The following WDR70 variants were observed in gnomAD, a reference collection of about 807,000 sequenced individuals.
WDR70 encodes WD repeat-containing protein 70.
A neutral mutation model predicts 88.6 loss-of-function variants in WDR70; 53 were observed. That is an observed-to-expected ratio of 0.60 (90% confidence interval 0.48 to 0.75). WDR70 has a LOEUF of 0.75. WDR70 is among the 30% of genes least tolerant of loss of function. The pLI is 0.00. For synonymous variants in WDR70, 280 were observed against 270.0 expected (o/e 1.04, Z -0.36); for missense variants, 610 against 823.2 (o/e 0.74, Z 3.17).
chr5:37,518,664 G>A (rs1335645478), intron 9 of WDR70, among the ~76,000 whole-genome samples: 1 of 150,076 alleles, frequency 6.7e-6, no homozygotes, highest in Non-Finnish European at 1.5e-5. Context: ...TGCAACCAAC[G>A]TGGGAGCACA....
intron 17 of WDR70, among the ~76,000 whole-genome samples, chr5:37,732,758 T>C (rs1561096500): frequency 6.6e-6 from 1 of 152,140 alleles, no homozygotes; most frequent in African/African-American, 2.4e-5. Flanking sequence ...TTGTATATCA[T>C]GTATGGCAAA....
intron 5 of WDR70, among the ~76,000 whole-genome samples, chr5:37,412,738 T>A (rs1429169139): frequency 6.6e-6 from 1 of 152,196 alleles, no homozygotes. Flanking sequence ...AGGCATCTCA[T>A]CCCCTTGGCC....
At chr5:37,701,885 C>T (rs1747175057) in intron 12 of WDR70, among the ~76,000 whole-genome samples, 1 of 151,712 alleles carries the variant, frequency 6.6e-6, no homozygotes, top group Admixed American at 6.6e-5. Context: ...TTTTTTAAAT[C>T]ATTCAAATCA....
chr5:37,502,730 G>T (rs1026415614), intron 8 of WDR70, among the ~76,000 whole-genome samples: 5 of 152,184 alleles, frequency 3.3e-5, no homozygotes, highest in Non-Finnish European at 5.9e-5. Flanking sequence ...ATCTGCTTTT[G>T]GGGAGGCCTG....
In WDR70 at chr5:37,426,795, C is replaced by CTTT. The variant is rs3038670; in HGVS notation, c.493-11115_493-11113dup. Among the ~76,000 whole-genome samples, 621 of 144,134 alleles carry CTTT rather than the reference C, an allele frequency of 4.3e-3. 2 individuals are homozygous for CTTT. The highest frequency in any genetic ancestry group is 6.5e-3 in the Non-Finnish European group (425 of 65,616). The allele number at this position is 144,134 out of a possible 152,430, so 94.6% of individuals were successfully genotyped here. A position where few individuals can be genotyped will look rare whatever the true frequency, so the allele number is the denominator to read the frequency against. ...GTTGCCTTAAAGCCTAATCTAGGTTCTTTTTTTTTTTTTTGAGATGGGGTC... is the reference window on the plus strand; with the variant it reads ...GTTGCCTTAAAGCCTAATCTAGGTTCTTTTTTTTTTTTTTTTTGAGATGGGGTC... On this transcript the variant is annotated intron_variant, in intron 5 of 17. Coordinates refer to ENST00000265107, the MANE Select transcript of WDR70 (RefSeq NM_018034.4).
intron 8 of WDR70, among the ~76,000 whole-genome samples, chr5:37,486,085 T>C (rs1218218000): frequency 6.6e-6 from 1 of 151,910 alleles, no homozygotes; most frequent in African/African-American, 2.4e-5. Flanking sequence ...ATGTGACCAG[T>C]AGCTTGCTGA....
intron 8 of WDR70, among the ~76,000 whole-genome samples, chr5:37,503,314 C>T (rs1740458668): frequency 6.6e-6 from 1 of 151,698 alleles, no homozygotes; most frequent in South Asian, 2.1e-4. Context: ...AGGTTTGTTA[C>T]ATAGGTAAAC....
intron 7 of WDR70, among the ~76,000 whole-genome samples, chr5:37,445,034 C>T (rs1738413600): frequency 6.6e-6 from 1 of 152,198 alleles, no homozygotes; most frequent in South Asian, 2.1e-4. Context: ...AGGCCATAGA[C>T]TGATACCAGT....
chr5:37,693,672 G>T (rs1160172787), intron 10 of WDR70, among the ~76,000 whole-genome samples: 3 of 152,254 alleles, frequency 2.0e-5, no homozygotes, highest in Non-Finnish European at 4.4e-5. Context: ...GCTGAAACTG[G>T]ATCCCTTCCT....
chr5:37,415,471 A>C (rs1450668085), intron 5 of WDR70, among the ~76,000 whole-genome samples: 12 of 53,266 alleles, frequency 2.3e-4, no homozygotes, highest in African/African-American at 6.5e-4. Flanking sequence ...TGATCCCCCC[A>C]CCTCCCTCCC....
chr5:37,419,790 CACA>C (rs1394233216), intron 5 of WDR70, among the ~76,000 whole-genome samples: 1 of 152,062 alleles, frequency 6.6e-6, no homozygotes, highest in Non-Finnish European at 1.5e-5. Flanking sequence ...GTCTGGGCGA[CACA>C]ACGAGACTCT....
intron 5 of WDR70, among the ~76,000 whole-genome samples, chr5:37,401,809 C>T (rs1044827199): frequency 2.6e-5 from 4 of 152,046 alleles, no homozygotes; most frequent in Non-Finnish European, 4.4e-5. Flanking sequence ...TTTTAATTGA[C>T]ATAATTGTAC....
At chr5:37,537,430 C>T (rs1741696811) in intron 9 of WDR70, among the ~76,000 whole-genome samples, 1 of 152,228 alleles carries the variant, frequency 6.6e-6, no homozygotes, top group Middle Eastern at 3.4e-3. Context: ...AAGTCTTTCT[C>T]AGTCCAAGAG....
At chr5:37,554,678 G>GCACACACACACACACA (rs3068425) in intron 9 of WDR70, among the ~76,000 whole-genome samples, 2 of 147,670 alleles carry the variant, frequency 1.4e-5, no homozygotes, top group African/African-American at 5.0e-5. Context: ...GCACCTGCAC[G>GCACACACACACACACA]CACACACACA....
intron 7 of WDR70, among the ~76,000 whole-genome samples, chr5:37,466,623 G>A (rs551530630): frequency 4.3e-5 from 6 of 140,330 alleles, no homozygotes; most frequent in South Asian, 4.7e-4. Context: ...GGAGAATGGC[G>A]TGAACCTGGG....
rs559785903 is a variant in WDR70, at chr5:37,653,607, C to T, written c.1093-44048C>T. On this transcript the variant is annotated intron_variant, in intron 10 of 17. Transcript: ENST00000265107. ...GTTAGTAGGCTATTAATTACTACCTCGATTTCAGAACTTGTTATTGGTCTA... is the reference window on the plus strand; with the variant it reads ...GTTAGTAGGCTATTAATTACTACCTTGATTTCAGAACTTGTTATTGGTCTA... Among the ~76,000 whole-genome samples the T allele has an allele frequency of 3.1e-3, 471 of 152,216 alleles. 6 individuals are homozygous for T. The highest frequency in any genetic ancestry group is 0.011 in the African/African-American group (452 of 41,520).
intron 5 of WDR70, among the ~76,000 whole-genome samples, chr5:37,435,363 AC>A (rs904385922): frequency 1.3e-5 from 2 of 152,232 alleles, no homozygotes; most frequent in Non-Finnish European, 2.9e-5. Flanking sequence ...TTTAGCACTT[AC>A]AAATGAGTTT....
At chr5:37,410,211 T>C (rs1749483108) in intron 5 of WDR70, among the ~76,000 whole-genome samples, 1 of 150,496 alleles carries the variant, frequency 6.6e-6, no homozygotes, top group African/African-American at 2.4e-5. Flanking sequence ...TTTTTTTTTT[T>C]TTTCTTTTTT....
chr5:37,469,473 G>T (rs1055628292), intron 7 of WDR70, among the ~76,000 whole-genome samples: 2 of 152,188 alleles, frequency 1.3e-5, no homozygotes, highest in African/African-American at 4.8e-5. Flanking sequence ...GAGCAAAAAT[G>T]TACAGAGGAA....
Sources: gnomAD v4.1 joint callset for allele counts (sites outside exome capture counted in the v4.1 genomes callset) on GRCh38, gnomAD v4.1.1 for gene constraint, MANE v1.5 for transcripts, NCBI Gene and HGNC (gene_info 2026-07-23, HGNC 2026-07-21) for gene names.